The following U2SURP variants were observed in gnomAD, a reference collection of about 807,000 sequenced individuals.
U2SURP encodes U2 snRNP-associated SURP motif-containing protein.
In U2SURP, 9 loss-of-function variants were observed where a neutral mutation model predicts 144.9. The ratio of observed to expected loss-of-function variants is 0.06; its 90% CI spans 0.04 to 0.11. The LOEUF is 0.11. U2SURP is among the 10% of genes least tolerant of loss of function. The pLI, the probability that U2SURP is intolerant of heterozygous loss-of-function variation, is 1.00. For synonymous variants in U2SURP, 408 were observed against 396.8 expected (o/e 1.03, Z -0.33); for missense variants, 724 against 1,226.7 (o/e 0.59, Z 6.12).
chr3:143,001,654 C>G lies in U2SURP; in HGVS notation c.26C>G (p.Ser9Cys), dbSNP rs560427922. The change falls in exon 1 of 28, where the codon TCT becomes TGT. Residue 9 changes from serine to cysteine, a missense_variant. Ser to Cys is a moderately radical substitution (Grantham distance 112, BLOSUM62 -1). Around this residue, in one of 13 missense-constraint regions of U2SURP, gnomAD observed 127 missense variants for 98.2 expected, o/e 1.29. Coordinates refer to ENST00000473835, the MANE Select transcript of U2SURP (RefSeq NM_001080415.2). ...ATGGCGGACAAAACGCCAGGCGGAT[C>G]TCAGAAGGCCAGTTCAAAGGTAATT... MADKTPGG[S>C]QKASSKTRSS... 6 of 1,614,030 alleles carry G rather than the reference C, an allele frequency of 3.7e-6. No homozygotes were observed. The South Asian group carries it at 4.4e-5, about 12-fold the overall frequency.
At chr3:143,046,284 T>TTA (rs1934438519) in intron 24 of U2SURP, among the ~76,000 whole-genome samples, 1 of 108,678 alleles carries the variant, frequency 9.2e-6, no homozygotes, top group Non-Finnish European at 1.7e-5. Flanking sequence ...TTTTTTTTTT[T>TTA]AGTTTATTTT....
intron 20 of U2SURP, among the ~76,000 whole-genome samples, chr3:143,036,322 GT>G (rs143453376): frequency 2.6e-5 from 4 of 151,778 alleles, no homozygotes; most frequent in South Asian, 4.2e-4. Flanking sequence ...ATTGGTGAGT[GT>G]TTTTTTTATT....
intron 3 of U2SURP, among the ~76,000 whole-genome samples, chr3:143,013,716 A>G (rs1936224953): frequency 6.6e-6 from 1 of 152,090 alleles, no homozygotes; most frequent in African/African-American, 2.4e-5. Context: ...GTGTTTTCTT[A>G]TATTTAAAAT....
chr3:143,044,071 G>T (rs1258310075), intron 24 of U2SURP, among the ~76,000 whole-genome samples: 1 of 150,802 alleles, frequency 6.6e-6, no homozygotes, highest in Non-Finnish European at 1.5e-5. Flanking sequence ...ATTTCATCTT[G>T]AGTGTTCATA....
chr3:143,031,423 G>A (rs62276904), intron 16 of U2SURP, among the ~76,000 whole-genome samples: 6,375 of 138,486 alleles, frequency 0.046, 588 homozygotes, highest in African/African-American at 0.15. Flanking sequence ...AGCTACCACC[G>A]CCCTAACCTT....
intron 4 of U2SURP, among the ~76,000 whole-genome samples, chr3:143,015,762 A>G (rs976041979): frequency 6.6e-6 from 1 of 152,066 alleles, no homozygotes; most frequent in African/African-American, 2.4e-5. Flanking sequence ...CATTTAGAAT[A>G]ATTGAAAATA....
chr3:143,034,017 A>G (rs1246076566), intron 18 of U2SURP, among the ~76,000 whole-genome samples: 2 of 152,348 alleles, frequency 1.3e-5, no homozygotes, highest in South Asian at 2.1e-4. Context: ...TAACTATAGA[A>G]TCTGTGTTCT....
chr3:143,027,065 C>A, intron 13 of U2SURP, 84 bp from the exon 14 acceptor site: 1 of 1,052,554 alleles, frequency 9.5e-7, no homozygotes, highest in Non-Finnish European at 1.4e-6. Flanking sequence ...TCATTTTCTG[C>A]ACAATTATAG....
chr3:143,031,830 GC>G (rs1215350184), intron 16 of U2SURP, among the ~76,000 whole-genome samples: 1 of 152,124 alleles, frequency 6.6e-6, no homozygotes, highest in Non-Finnish European at 1.5e-5. Context: ...AGAGCATTTG[GC>G]AATGGAGTGT....
At position 143,045,629 on chromosome 3, in the gene U2SURP, C is replaced by A. The variant is rs151149539; in HGVS notation, c.2544+2353C>A. Among the ~76,000 whole-genome samples the A allele has an allele frequency of 2.1e-3, 316 of 152,310 alleles. 3 individuals carry two copies. In the Middle Eastern group the frequency reaches 0.031, roughly 15 times the overall value. ...CTTGTATACGTATATATGCGATACA[C>A]GTGCATGCACATTGCACACATATAT... is the stretch of plus-strand genomic sequence containing the variant. On this transcript the variant is annotated intron_variant, in intron 24 of 27. Coordinates refer to ENST00000473835, the MANE Select transcript of U2SURP (RefSeq NM_001080415.2).
intron 24 of U2SURP, among the ~76,000 whole-genome samples, chr3:143,047,052 CCCCCCA>C (rs1934521447): frequency 7.7e-6 from 1 of 130,152 alleles, no homozygotes; most frequent in African/African-American, 3.2e-5. Flanking sequence ...GGGGACTGAC[CCCCCCA>C]CCTCCCTCCC....
chr3:143,046,364 G>T (rs1329019353), intron 24 of U2SURP, among the ~76,000 whole-genome samples: 32 of 121,048 alleles, frequency 2.6e-4, no homozygotes, highest in African/African-American at 9.8e-4. Flanking sequence ...GGTGTTTCTC[G>T]CAGAGGGGGA....
chr3:143,008,981 C>A (rs1346964732), intron 1 of U2SURP, among the ~76,000 whole-genome samples: 1 of 152,148 alleles, frequency 6.6e-6, no homozygotes, highest in Non-Finnish European at 1.5e-5. Context: ...ATCTCTTGAT[C>A]CACCCGCCTC....
Position 143,041,233 on chromosome 3 carries a change from A to G in U2SURP, c.2385-1884A>G, listed in dbSNP as rs879372481. 7.9e-5 allele frequency among the ~76,000 whole-genome samples: 12 copies of G among 152,016 alleles called. No individual in the cohort carries two copies. The East Asian group carries it at 1.5e-3, about 20-fold the overall frequency. ...TCCCTGTTTACATAAACACACATACACTTCAATCTAAAAGCATCTGAAACA... is the reference window on the plus strand; with the variant it reads ...TCCCTGTTTACATAAACACACATACGCTTCAATCTAAAAGCATCTGAAACA... On this transcript the variant is annotated intron_variant, in intron 23 of 27. Transcript: ENST00000473835.
chr3:143,048,331 C>T (rs1295631347), intron 24 of U2SURP, among the ~76,000 whole-genome samples: 1 of 152,042 alleles, frequency 6.6e-6, no homozygotes, highest in Non-Finnish European at 1.5e-5. Context: ...CTTAGGAATC[C>T]CTTCTCTCCC....
Position 143,022,899 on chromosome 3 carries a change from T to C in U2SURP, c.1065T>C (p.Ala355=). Residue 355 remains alanine, a synonymous_variant, in exon 12 of 28, where the codon GCT becomes GCC. Transcript: ENST00000473835. ...AAATGAAGTTAGGTTGGGGTAAAGC[T>C]GTACCTATTCCTCCACATCCAATAT... The part of the protein sequence containing the change: ...SFEMKLGWGK[A]VPIPPHPIYI... 1 of 1,610,704 alleles carries C rather than the reference T, an allele frequency of 6.2e-7. No individual in the cohort carries two copies. The highest frequency in any genetic ancestry group is 1.7e-5 in the Admixed American group (1 of 59,250).
chr3:143,043,215 C>T lies in U2SURP; in HGVS notation c.2483C>T (p.Ser828Phe). 4.4e-6 allele frequency: 7 copies of T among 1,603,624 alleles called. No individual in the cohort carries two copies. The highest frequency in any genetic ancestry group is 5.1e-6 in the Non-Finnish European group (6 of 1,174,390). ...CCAATCAAAGAAGAAATGACTGAGT[C>T]TAAGTTCTCTAAGTACTCTGAAATG... Reference protein sequence around the residue: ...SNPIKEEMTESKFSKYSEMSE... With the variant: ...SNPIKEEMTEFKFSKYSEMSE... Residue 828 changes from serine to phenylalanine, a missense_variant, in exon 24 of 28, where the codon TCT becomes TTT. Coordinates refer to ENST00000473835, the MANE Select transcript of U2SURP (RefSeq NM_001080415.2).
At chr3:143,015,604 G>A (rs538470121) in intron 4 of U2SURP, among the ~76,000 whole-genome samples, 2 of 151,922 alleles carry the variant, frequency 1.3e-5, no homozygotes, top group African/African-American at 2.4e-5. Flanking sequence ...AGTTATCCTA[G>A]TATCATTTAT....
chr3:143,043,887 G>A (rs533936339), intron 24 of U2SURP, among the ~76,000 whole-genome samples: 1 of 151,622 alleles, frequency 6.6e-6, no homozygotes, highest in Non-Finnish European at 1.5e-5. Context: ...GCCTGCCTCA[G>A]CCTCCGGAGT....
Sources: allele counts gnomAD v4.1 joint callset (sites outside exome capture counted in the v4.1 genomes callset), GRCh38; gene constraint gnomAD v4.1.1; regional missense constraint gnomAD v4.1.1; transcripts MANE v1.5; gene names NCBI Gene and HGNC (gene_info 2026-07-23, HGNC 2026-07-21).